The following BFAR variants were observed in gnomAD, a reference collection of about 807,000 sequenced individuals.
BFAR encodes bifunctional apoptosis regulator, also known as RING finger protein 47.
BFAR carries 52 observed loss-of-function variants against 54.4 expected under a neutral mutation model. The ratio of observed to expected loss-of-function variants is 0.96; its 90% CI spans 0.77 to 1.21. The LOEUF is 1.21. Ranked by LOEUF, BFAR falls within the 50% of genes most tolerant of loss-of-function variation. BFAR has a pLI of 0.00. For missense variants in BFAR, 571 were observed against 534.0 expected (o/e 1.07, Z -0.68); for synonymous variants, 215 against 204.3 (o/e 1.05, Z -0.45).
intron 3 of BFAR, 111 bp from the exon 4 acceptor site, chr16:14,649,693 G>C: frequency 1.0e-6 from 1 of 969,058 alleles, no homozygotes; most frequent in Middle Eastern, 3.4e-4. Flanking sequence ...TACGGGCTCC[G>C]CATCATTCCC....
At chr16:14,664,099 C>T (rs768471266) in intron 6 of BFAR, among the ~76,000 whole-genome samples, 2 of 151,922 alleles carry the variant, frequency 1.3e-5, no homozygotes, top group Non-Finnish European at 2.9e-5. Flanking sequence ...AAAAATTAGC[C>T]GGGCGTGGTG....
intron 3 of BFAR, among the ~76,000 whole-genome samples, chr16:14,649,272 C>T (rs1027330194): frequency 2.6e-5 from 4 of 151,990 alleles, no homozygotes; most frequent in Non-Finnish European, 1.5e-5. Context: ...GATGGGGTTT[C>T]ACCATGTTGG....
intron 1 of BFAR, among the ~76,000 whole-genome samples, chr16:14,634,424 A>C (rs969436270): frequency 1.6e-4 from 25 of 152,218 alleles, no homozygotes. Flanking sequence ...TGGCAGTGCC[A>C]CTAAGTAGGT....
intron 6 of BFAR, 44 bp downstream of exon 6, chr16:14,662,109 G>A: frequency 3.1e-6 from 5 of 1,604,398 alleles, no homozygotes; most frequent in Non-Finnish European, 4.3e-6. Context: ...CCACTGTCAA[G>A]TTATTTGCAG....
At chr16:14,640,860 C>T (rs147964316) in intron 1 of BFAR, among the ~76,000 whole-genome samples, 1 of 152,306 alleles carries the variant, frequency 6.6e-6, no homozygotes, top group Non-Finnish European at 1.5e-5. Context: ...ATGGACGTAC[C>T]ATACACAAAC....
At chr16:14,638,847 A>G (rs953834458) in intron 1 of BFAR, among the ~76,000 whole-genome samples, 2 of 152,066 alleles carry the variant, frequency 1.3e-5, no homozygotes, top group Non-Finnish European at 2.9e-5. Flanking sequence ...CAGGAGGCTG[A>G]GGCATGAGAA....
intron 7 of BFAR, chr16:14,667,347 G>GA (rs940423951): frequency 1.6e-3 from 633 of 404,830 alleles, no homozygotes; most frequent in East Asian, 2.8e-3. Flanking sequence ...GTCTCAAAAG[G>GA]AAAAAAAAAT....
intron 4 of BFAR, among the ~76,000 whole-genome samples, chr16:14,653,801 G>A (rs1448941102): frequency 6.6e-6 from 1 of 151,946 alleles, no homozygotes; most frequent in Non-Finnish European, 1.5e-5. Flanking sequence ...TCAAAGTCCT[G>A]GGCTCAAGCA....
chr16:14,652,514 C>T (rs1318858626), intron 4 of BFAR, among the ~76,000 whole-genome samples: 1 of 151,968 alleles, frequency 6.6e-6, no homozygotes, highest in Non-Finnish European at 1.5e-5. Flanking sequence ...CTCCTGACCT[C>T]TGGTGATCCA....
chr16:14,669,215 A>T lies in BFAR; in HGVS notation c.*1388A>T, dbSNP rs1013158729. The T allele has an allele frequency of 3.3e-6, 1 of 303,002 alleles. No individual in the cohort carries two copies. 18.8% of individuals were successfully genotyped at this position (303,002 alleles called of 1,614,324 possible). On this transcript the variant is annotated 3_prime_UTR_variant, in exon 8 of 8. Transcript: ENST00000261658. ...GAAATTACTTGAAATAAAAATAAAG[A>T]TTTCTATATAGATAAAACCTATATG... is the stretch of plus-strand genomic sequence containing the variant.
At chr16:14,636,329 G>GTGTT (rs1487567324) in intron 1 of BFAR, among the ~76,000 whole-genome samples, 1 of 152,222 alleles carries the variant, frequency 6.6e-6, no homozygotes, top group African/African-American at 2.4e-5. Context: ...TCATTCTTGG[G>GTGTT]TGTTTCTCAG....
chr16:14,641,797 G>C (rs998694125), intron 1 of BFAR, among the ~76,000 whole-genome samples: 1 of 152,202 alleles, frequency 6.6e-6, no homozygotes, highest in Non-Finnish European at 1.5e-5. Flanking sequence ...AGGAGGTGGA[G>C]ATTGCAGTGA....
chr16:14,662,301 A>G (rs1960313171), intron 6 of BFAR, among the ~76,000 whole-genome samples: 3 of 152,136 alleles, frequency 2.0e-5, no homozygotes, highest in Admixed American at 2.0e-4. Flanking sequence ...CACACCCATA[A>G]ATAATAACAC....
rs1303590106 is a variant in BFAR, at chr16:14,661,963, C to T, written c.855C>T (p.Tyr285=). ...LKSSPRLSLL[Y]LYLFDYTDTF... ...GCTCCCCCAGGCTGAGTCTGCTCTACCTGTACCTGTTTGACTACACCGACA... is the reference window on the plus strand; with the variant it reads ...GCTCCCCCAGGCTGAGTCTGCTCTATCTGTACCTGTTTGACTACACCGACA... Residue 285 remains tyrosine (Y), a synonymous_variant, in exon 6 of 8, where the codon TAC becomes TAT. Coordinates refer to ENST00000261658, the MANE Select transcript of BFAR (RefSeq NM_016561.3). 3.7e-6 allele frequency: 6 copies of T among 1,614,070 alleles called. No homozygotes were observed. Among genetic ancestry groups the T allele is most frequent in the African/African-American group, 1.3e-5 (1 of 74,926 alleles).
intron 1 of BFAR, among the ~76,000 whole-genome samples, chr16:14,637,979 A>G (rs997448308): frequency 6.6e-6 from 1 of 151,776 alleles, no homozygotes; most frequent in Non-Finnish European, 1.5e-5. Flanking sequence ...ACAGGCAATC[A>G]TTGCGAAGTA....
intron 5 of BFAR, among the ~76,000 whole-genome samples, chr16:14,660,062 A>G (rs1960246993): frequency 6.6e-6 from 1 of 152,158 alleles, no homozygotes. Context: ...CACACGATGA[A>G]GATGGGGAAC....
intron 5 of BFAR, among the ~76,000 whole-genome samples, chr16:14,656,039 G>A (rs1205123762): frequency 7.9e-5 from 12 of 151,934 alleles, no homozygotes; most frequent in Non-Finnish European, 1.2e-4. Flanking sequence ...GTGAAACCCC[G>A]TCTCTACTAA....
In BFAR at chr16:14,669,189, A is replaced by G. The variant is rs1960528761; in HGVS notation, c.*1362A>G. 3.1e-6 allele frequency: 1 copy of G among 323,474 alleles called. No homozygotes were observed. The highest frequency in any genetic ancestry group is 2.2e-5 in the African/African-American group (1 of 45,990). The allele number at this position is 323,474 out of a possible 1,614,324, so 20.0% of individuals were successfully genotyped here. A position where few individuals can be genotyped will look rare whatever the true frequency, so the allele number is the denominator to read the frequency against. On this transcript the variant is annotated 3_prime_UTR_variant, in exon 8 of 8. Coordinates refer to ENST00000261658, the MANE Select transcript of BFAR (RefSeq NM_016561.3). ...TCAAAAGTTGCATCTGGAAGTTCGA[A>G]GAAATTACTTGAAATAAAAATAAAG...
At chr16:14,651,826 A>C (rs962904362) in intron 4 of BFAR, among the ~76,000 whole-genome samples, 8 of 150,708 alleles carry the variant, frequency 5.3e-5, no homozygotes, top group Non-Finnish European at 1.0e-4. Context: ...GGAAAAGATT[A>C]GAGTGAAAGG....
Sources: allele counts gnomAD v4.1 joint callset (sites outside exome capture counted in the v4.1 genomes callset), GRCh38; gene constraint gnomAD v4.1.1; transcripts MANE v1.5; gene names NCBI Gene and HGNC (gene_info 2026-07-23, HGNC 2026-07-21).